FGGY: variants seen among roughly 807,000 people sequenced by gnomAD.
FGGY encodes FGGY carbohydrate kinase domain-containing protein.
Under a neutral mutation model 71.3 loss-of-function variants are expected in FGGY, and 72 were observed. The observed-to-expected ratio is 1.01, with a 90% CI of 0.84 to 1.23. FGGY has a LOEUF of 1.23. Among genes scored for constraint, FGGY ranks in the 50% most tolerant of loss-of-function variants. FGGY has a pLI of 0.00. For synonymous variants in FGGY, 251 were observed against 250.3 expected (o/e 1.00, Z -0.02); for missense variants, 668 against 682.3 (o/e 0.98, Z 0.23).
chr1:59,499,304 T>TTTTTTTTTTTG, intron 6 of FGGY, among the ~76,000 whole-genome samples: 1 of 144,546 alleles, frequency 6.9e-6, no homozygotes, highest in East Asian at 2.0e-4. Flanking sequence ...TGTTTGTTTT[T>TTTTTTTTTTTG]TTTTTTTTTT....
At chr1:59,379,128 G>A (rs974090871) in intron 5 of FGGY, among the ~76,000 whole-genome samples, 3 of 138,214 alleles carry the variant, frequency 2.2e-5, no homozygotes, top group Non-Finnish European at 3.1e-5. Flanking sequence ...TTTTCCAAAG[G>A]CACTTTTTAC....
chr1:59,532,609 A>G (rs2095177490), intron 7 of FGGY, among the ~76,000 whole-genome samples: 1 of 152,216 alleles, frequency 6.6e-6, no homozygotes, highest in Admixed American at 6.5e-5. Context: ...CTTAGCACAT[A>G]TTCATGATTT....
chr1:59,533,479 C>T (rs1298030130), intron 7 of FGGY, among the ~76,000 whole-genome samples: 1 of 152,206 alleles, frequency 6.6e-6, no homozygotes, highest in African/African-American at 2.4e-5. Flanking sequence ...CCGGGAAGCT[C>T]GAACTGGGTG....
rs778553524 is a variant in FGGY at position 59,607,896 on chromosome 1, G to A, written c.997G>A (p.Val333Ile). 74 of 1,613,628 alleles carry A rather than the reference G, an allele frequency of 4.6e-5. No individual in the cohort carries two copies. The highest frequency in any genetic ancestry group is 2.5e-4 in the East Asian group (11 of 44,882). Residue 333 changes from valine (V) to isoleucine (I), a missense_variant, in exon 9 of 16, where the codon GTT (valine) becomes ATT (isoleucine). Physicochemically the swap from Val to Ile is conservative, Grantham distance 29 (BLOSUM62 3). Around this residue, in one of 2 missense-constraint regions of FGGY, gnomAD observed 661 missense variants for 661.6 expected, o/e 1.00. Coordinates refer to ENST00000303721, the MANE Select transcript of FGGY (RefSeq NM_018291.5). The stretch of plus-strand genomic sequence containing the variant: ...CTGGCTGAATGAAGGTGGTCAGAGC[G>A]TTACTGGAAAATTGGTAAGTTGACA... ...GFWLNEGGQS[V>I]TGKLIDHMVQ...
chr1:59,694,472 T>C (rs987065832), intron 14 of FGGY, among the ~76,000 whole-genome samples: 18 of 152,194 alleles, frequency 1.2e-4, no homozygotes, highest in Admixed American at 2.0e-4. Flanking sequence ...TTTTTTGTCA[T>C]GCCCAGTATG....
Position 59,573,252 on chromosome 1 carries a change from T to C in FGGY, c.903+19025T>C, listed in dbSNP as rs556815837. Among the ~76,000 whole-genome samples, 47 of 152,322 alleles carry C rather than the reference T, an allele frequency of 3.1e-4. No individual in the cohort carries two copies. In the South Asian group the frequency reaches 4.6e-3, roughly 15 times the overall value. On this transcript the variant is annotated intron_variant, in intron 8 of 15. Transcript: ENST00000303721. The stretch of plus-strand genomic sequence containing the variant: ...ACATTTAGTGGATAATAGATGACAT[T>C]CTAATAAGATCAGTAGATTAGATAA...
intron 5 of FGGY, among the ~76,000 whole-genome samples, chr1:59,436,249 T>C (rs2068438460): frequency 6.6e-6 from 1 of 152,118 alleles, no homozygotes; most frequent in South Asian, 2.1e-4. Context: ...TTCCCTGCTC[T>C]TCCTTATGTT....
chr1:59,647,896 C>A (rs2097112363), intron 11 of FGGY, among the ~76,000 whole-genome samples: 1 of 97,114 alleles, frequency 1.0e-5, no homozygotes, highest in Admixed American at 1.1e-4. Flanking sequence ...TATCCCTCCC[C>A]CCTCCCCCCA....
chr1:59,405,707 C>T (rs1028997343), intron 5 of FGGY, among the ~76,000 whole-genome samples: 2 of 152,146 alleles, frequency 1.3e-5, no homozygotes, highest in Non-Finnish European at 2.9e-5. Context: ...GTATGAACCT[C>T]CCACCTTTAG....
At chr1:59,578,382 T>C (rs376112280) in intron 8 of FGGY, among the ~76,000 whole-genome samples, 3 of 151,916 alleles carry the variant, frequency 2.0e-5, no homozygotes, top group African/African-American at 7.3e-5. Context: ...ATGCATCAAG[T>C]GAGACCTTCC....
At chr1:59,418,408 G>T (rs1034896813) in intron 5 of FGGY, among the ~76,000 whole-genome samples, 1 of 152,066 alleles carries the variant, frequency 6.6e-6, no homozygotes, top group Non-Finnish European at 1.5e-5. Flanking sequence ...GTTACGTTAG[G>T]ATCTGTGACT....
At chr1:59,755,868 T>C (rs150305053) in intron 14 of FGGY, 94 of 152,312 alleles carry the variant, frequency 6.2e-4, no homozygotes, top group African/African-American at 2.0e-3. Context: ...TGAGGGCAGT[T>C]TGAAGATTCA....
At chr1:59,534,233 G>A (rs919256090) in intron 7 of FGGY, among the ~76,000 whole-genome samples, 5 of 152,140 alleles carry the variant, frequency 3.3e-5, no homozygotes, top group East Asian at 1.9e-4. Context: ...GGGTATCAGC[G>A]ATGGAAGATG....
chr1:59,638,462 A>AG (rs2096984868), intron 11 of FGGY, 87 bp downstream of exon 11: 2 of 1,530,882 alleles, frequency 1.3e-6, no homozygotes, highest in Middle Eastern at 1.8e-4. Flanking sequence ...AAAAAGGAAA[A>AG]GAAAAAAATA....
rs538369058 is a variant in FGGY at position 59,527,949 on chromosome 1, A to T, written c.799+15510A>T. Among the ~76,000 whole-genome samples the T allele has an allele frequency of 1.6e-4, 24 of 152,302 alleles. No individual in the cohort carries two copies. In the South Asian group the frequency reaches 5.0e-3, roughly 32 times the overall value. On this transcript the variant is annotated intron_variant, in intron 7 of 15. Coordinates refer to ENST00000303721, the MANE Select transcript of FGGY (RefSeq NM_018291.5). ...CAGCAGTTTTCAAACTTGAGTCTGC[A>T]TAGGCATTCATGGAGCTAGTTAAAA...
chr1:59,465,884 T>C (rs1490371322), intron 6 of FGGY, among the ~76,000 whole-genome samples: 1 of 152,218 alleles, frequency 6.6e-6, no homozygotes, highest in Non-Finnish European at 1.5e-5. Context: ...GAACATTGCA[T>C]GCTCATGGAT....
chr1:59,397,948 C>T (rs149249381), intron 5 of FGGY, among the ~76,000 whole-genome samples: 1 of 152,268 alleles, frequency 6.6e-6, no homozygotes, highest in East Asian at 1.9e-4. Flanking sequence ...GACCTGTCAA[C>T]TGTCTGTAAA....
At chr1:59,730,532 T>A (rs2098013235) in intron 14 of FGGY, among the ~76,000 whole-genome samples, 1 of 152,202 alleles carries the variant, frequency 6.6e-6, no homozygotes, top group South Asian at 2.1e-4. Flanking sequence ...AAATAGTTGC[T>A]AATAGACTAA....
chr1:59,748,584 G>A (rs2098219589), intron 14 of FGGY, among the ~76,000 whole-genome samples: 1 of 152,184 alleles, frequency 6.6e-6, no homozygotes, highest in Non-Finnish European at 1.5e-5. Context: ...TGAGACTGGA[G>A]ACATCTGCAT....
Sources: gnomAD v4.1 joint callset for allele counts (sites outside exome capture counted in the v4.1 genomes callset) on GRCh38, gnomAD v4.1.1 for gene constraint, gnomAD v4.1.1 regional missense constraint, MANE v1.5 for transcripts, NCBI Gene and HGNC (gene_info 2026-07-23, HGNC 2026-07-21) for gene names.